Variants in RAB11FIP2 observed in about 807,000 individuals in gnomAD.
The protein encoded by RAB11FIP2 is RAB11 family interacting protein 2, also known as rab11 family-interacting protein 2.
In RAB11FIP2, 16 loss-of-function variants were observed where a neutral mutation model predicts 40.9. That is an observed-to-expected ratio of 0.39 (90% confidence interval 0.26 to 0.59). The LOEUF (loss-of-function observed/expected upper bound fraction) is 0.59, where lower values mean the gene tolerates loss of function less well. Among genes scored for constraint, RAB11FIP2 ranks in the 20% least tolerant of loss-of-function variants. The probability of loss-of-function intolerance (pLI) is 0.53; values close to 1 mark genes in which losing one functional copy is unlikely to be tolerated. For synonymous variants in RAB11FIP2, 228 were observed against 213.7 expected (o/e 1.07, Z -0.58); for missense variants, 532 against 606.2 (o/e 0.88, Z 1.28).
intron 3 of RAB11FIP2, among the ~76,000 whole-genome samples, chr10:118,015,470 A>G (rs910896512): frequency 1.3e-5 from 2 of 152,212 alleles, no homozygotes; most frequent in African/African-American, 4.8e-5. Flanking sequence ...AGGCCCTCTG[A>G]TATAAAACTA....
At chr10:118,019,535 G>A (rs1188081554) in intron 3 of RAB11FIP2, among the ~76,000 whole-genome samples, 1 of 152,118 alleles carries the variant, frequency 6.6e-6, no homozygotes, top group Non-Finnish European at 1.5e-5. Context: ...GAGACTTGGG[G>A]ATTCACGGCT....
rs898055383 is a variant in RAB11FIP2 at position 118,040,521 on chromosome 10, C to T, written c.398G>A (p.Arg133Lys). 1.9e-6 allele frequency: 3 copies of T among 1,610,584 alleles called. No individual in the cohort carries two copies. The highest frequency in any genetic ancestry group is 1.7e-6 in the Non-Finnish European group (2 of 1,178,786). Residue 133 changes from arginine (R) to lysine (K), a missense_variant, in exon 2 of 5, where the codon AGG (arginine) becomes AAG (lysine). Physicochemically the swap from Arg to Lys is conservative, Grantham distance 26. Transcript: ENST00000355624. ...CTGAATATTGACCTTTATCTCACCCCTGTTTTTGATTCGTTTTCCTTGTTT... is the reference window on the plus strand; with the variant it reads ...CTGAATATTGACCTTTATCTCACCCTTGTTTTTGATTCGTTTTCCTTGTTT... ...ESKQGKRIKN[R>K]GEIKVNIQFM...
At chr10:118,029,266 G>A (rs995321290) in intron 3 of RAB11FIP2, among the ~76,000 whole-genome samples, 2 of 151,740 alleles carry the variant, frequency 1.3e-5, no homozygotes, top group African/African-American at 2.4e-5. Context: ...TCCCATAATG[G>A]GTAAATATTT....
At position 118,006,028 on chromosome 10, in the gene RAB11FIP2, G is replaced by A. The variant is rs1319064941; in HGVS notation, c.*2970C>T. On this transcript the variant is annotated 3_prime_UTR_variant, in exon 5 of 5. Transcript: ENST00000355624. The stretch of plus-strand genomic sequence containing the variant: ...ATCTATAGATAATACTACATTCAGG[G>A]GACAATGGCAAAACTAGGCTCAATG... 1.3e-5 allele frequency: 2 copies of A among 152,276 alleles called. No homozygotes were observed. Among genetic ancestry groups the A allele is most frequent in the Non-Finnish European group, 2.9e-5 (2 of 67,964 alleles). The allele number at this position is 152,276 out of a possible 1,614,324, so 9.4% of individuals were successfully genotyped here.
intron 3 of RAB11FIP2, among the ~76,000 whole-genome samples, chr10:118,038,400 T>C (rs777223617): frequency 2.0e-5 from 3 of 152,088 alleles, no homozygotes; most frequent in Non-Finnish European, 4.4e-5. Flanking sequence ...TTTCTGACTA[T>C]AAATCATCAT....
chr10:118,029,698 C>G (rs577888140), intron 3 of RAB11FIP2, among the ~76,000 whole-genome samples: 1 of 151,942 alleles, frequency 6.6e-6, no homozygotes, highest in Non-Finnish European at 1.5e-5. Context: ...ACCACTGAGA[C>G]AGCAGGTAAC....
chr10:118,043,658 G>C (rs1319466618), intron 1 of RAB11FIP2: 2 of 152,184 alleles, frequency 1.3e-5, no homozygotes, highest in Non-Finnish European at 2.9e-5. Context: ...TATGTCTTCA[G>C]TGTCAAAATG....
chr10:118,042,960 A>G (rs1374424193), intron 1 of RAB11FIP2, among the ~76,000 whole-genome samples: 2 of 152,228 alleles, frequency 1.3e-5, no homozygotes, highest in African/African-American at 4.8e-5. Context: ...TTCAAGAATC[A>G]TTTCAGAGAT....
At chr10:118,033,087 A>G (rs1846435118) in intron 3 of RAB11FIP2, among the ~76,000 whole-genome samples, 1 of 152,084 alleles carries the variant, frequency 6.6e-6, no homozygotes, top group African/African-American at 2.4e-5. Context: ...AAAAAAAAAC[A>G]CAGGATATAT....
intron 3 of RAB11FIP2, among the ~76,000 whole-genome samples, chr10:118,030,722 T>C (rs762725721): frequency 4.1e-4 from 63 of 151,906 alleles, no homozygotes; most frequent in Non-Finnish European, 6.5e-4. Flanking sequence ...GCAAAGTTTG[T>C]CTTTTTTGTT....
chr10:118,011,391 G>GCACACA, intron 4 of RAB11FIP2, among the ~76,000 whole-genome samples: 1 of 149,956 alleles, frequency 6.7e-6, no homozygotes, highest in South Asian at 2.1e-4. Flanking sequence ...ACACACATGC[G>GCACACA]CACACACACA....
At chr10:118,011,378 T>G (rs1846153053) in intron 4 of RAB11FIP2, among the ~76,000 whole-genome samples, 1 of 151,502 alleles carries the variant, frequency 6.6e-6, no homozygotes, top group Admixed American at 6.6e-5. Context: ...CTTTTATAAG[T>G]CTACACACAT....
rs1186312459 is a variant in RAB11FIP2, at chr10:118,046,923, A to C, written c.-760T>G. On this transcript the variant is annotated 5_prime_UTR_variant, in exon 1 of 5. An upstream start codon of the reference 5' UTR is lost. Transcript: ENST00000355624. ...CGGCACTTCCGGGTTGGCCTTCTCCATGTTGGTCTCGGGAACGTGAAGGGG... is the reference window on the plus strand; with the variant it reads ...CGGCACTTCCGGGTTGGCCTTCTCCCTGTTGGTCTCGGGAACGTGAAGGGG... The C allele has an allele frequency of 6.5e-6, 1 of 152,832 alleles. No homozygotes were observed. 9.5% of individuals were successfully genotyped at this position (152,832 alleles called of 1,614,324 possible).
intron 1 of RAB11FIP2, chr10:118,045,569 A>G (rs2133186894): frequency 4.5e-6 from 2 of 440,042 alleles, no homozygotes; most frequent in Non-Finnish European, 4.0e-6. Flanking sequence ...TCCACCACAA[A>G]ATATTCAATT....
intron 3 of RAB11FIP2, among the ~76,000 whole-genome samples, chr10:118,022,019 C>T (rs774182223): frequency 7.2e-5 from 11 of 152,162 alleles, no homozygotes; most frequent in Non-Finnish European, 1.3e-4. Flanking sequence ...AATCTTAGAT[C>T]GAATATCCTA....
chr10:118,036,958 C>CA (rs1554907600), intron 3 of RAB11FIP2, among the ~76,000 whole-genome samples: 1 of 151,824 alleles, frequency 6.6e-6, no homozygotes, highest in Non-Finnish European at 1.5e-5. Context: ...ACTCAATAAG[C>CA]TTTTTTTTCC....
At chr10:118,037,889 C>T (rs1346006572) in intron 3 of RAB11FIP2, among the ~76,000 whole-genome samples, 1 of 152,044 alleles carries the variant, frequency 6.6e-6, no homozygotes, top group Non-Finnish European at 1.5e-5. Context: ...ACAGTATTTG[C>T]ACATATACGC....
At chr10:118,031,789 A>G (rs1846418472) in intron 3 of RAB11FIP2, among the ~76,000 whole-genome samples, 1 of 152,160 alleles carries the variant, frequency 6.6e-6, no homozygotes, top group South Asian at 2.1e-4. Context: ...ATAATATTAC[A>G]GAACATACCA....
intron 4 of RAB11FIP2, among the ~76,000 whole-genome samples, chr10:118,011,572 TAA>T (rs1259101688): frequency 6.6e-6 from 1 of 152,126 alleles, no homozygotes; most frequent in Non-Finnish European, 1.5e-5. Context: ...AAAAATAAGC[TAA>T]AGTGTCTTAC....
Sources: gnomAD v4.1 joint callset for allele counts (sites outside exome capture counted in the v4.1 genomes callset) on GRCh38, gnomAD v4.1.1 for gene constraint, MANE v1.5 for transcripts, NCBI Gene and HGNC (gene_info 2026-07-23, HGNC 2026-07-21) for gene names.